Variants in EML4 observed in about 807,000 individuals in gnomAD.
The protein encoded by EML4 is EMAP like 4.
Under a neutral mutation model 129.0 loss-of-function variants are expected in EML4, and 72 were observed. The ratio of observed to expected loss-of-function variants is 0.56; its 90% CI spans 0.46 to 0.68. The LOEUF is 0.68. Ranked by LOEUF, EML4 falls within the 30% of genes least tolerant of loss-of-function variation. The pLI is 0.00. For missense variants in EML4, 1,363 were observed against 1,190.6 expected, an observed-to-expected ratio of 1.14 and a Z score of -2.13; for synonymous variants, 532 against 405.0, an observed-to-expected ratio of 1.31 and a Z score of -3.77.
intron 1 of EML4, among the ~76,000 whole-genome samples, chr2:42,209,203 A>G (rs1672737806): frequency 6.6e-6 from 1 of 152,260 alleles, no homozygotes; most frequent in South Asian, 2.1e-4. Flanking sequence ...ACATGGTTTC[A>G]AAACATGAAA....
At chr2:42,204,107 G>A (rs1672398898) in intron 1 of EML4, among the ~76,000 whole-genome samples, 1 of 151,976 alleles carries the variant, frequency 6.6e-6, no homozygotes, top group Non-Finnish European at 1.5e-5. Context: ...TTTTAATAGA[G>A]ATGGGTCTCA....
At position 42,316,070 on chromosome 2, in the gene EML4, C is replaced by T. The variant is rs756248046; in HGVS notation, c.2056+20C>T. 9 of 1,563,534 alleles carry T rather than the reference C, an allele frequency of 5.8e-6. No individual in the cohort carries two copies. In the South Asian group the frequency reaches 8.9e-5, roughly 16 times the overall value. On this transcript the variant is annotated intron_variant, in intron 18 of 22. Coordinates refer to ENST00000318522, the MANE Select transcript of EML4 (RefSeq NM_019063.5). ...CAATAGGTAGGCAAATTTACTCCCACCTCCCAAGCATGGCATTCACAGCAC... is the reference window on the plus strand; with the variant it reads ...CAATAGGTAGGCAAATTTACTCCCATCTCCCAAGCATGGCATTCACAGCAC...
intron 7 of EML4, among the ~76,000 whole-genome samples, chr2:42,281,219 C>G (rs112828938): frequency 0.33 from 50,623 of 151,738 alleles, 8,705 homozygotes; most frequent in East Asian, 0.56. Flanking sequence ...TTGTGAAACC[C>G]CATCTCTACT....
chr2:42,215,185 A>G (rs1208439037), intron 1 of EML4, among the ~76,000 whole-genome samples: 1 of 152,054 alleles, frequency 6.6e-6, no homozygotes, highest in Non-Finnish European at 1.5e-5. Flanking sequence ...GCAGCCCCCT[A>G]AGTAGCTGGG....
intron 3 of EML4, 74 bp downstream of exon 3, chr2:42,256,704 AGAATAT>A (rs1156896356): frequency 1.3e-6 from 2 of 1,553,158 alleles, no homozygotes; most frequent in Admixed American, 1.8e-5. Flanking sequence ...CCCTTTAGAA[AGAATAT>A]GAAATAGAGC....
intron 6 of EML4, among the ~76,000 whole-genome samples, chr2:42,278,573 CAAAAAAAAAAAAAAAAA>C (rs35916382): frequency 1.8e-5 from 1 of 54,264 alleles, no homozygotes; most frequent in Non-Finnish European, 3.2e-5. Context: ...GACTCCATCT[CAAAAAAAAAAAAAAAAA>C]AAAAAAAAAA....
rs1308195169 is a variant in EML4 at position 42,301,359 on chromosome 2, G to C, written c.1608G>C (p.Trp536Cys). 8.1e-6 allele frequency: 13 copies of C among 1,612,552 alleles called. No homozygotes were observed. The highest frequency in any genetic ancestry group is 9.3e-6 in the Non-Finnish European group (11 of 1,179,342). ...GGGKDRKIIL[W>C]DHDLNPEREI... ...GGAAAGACAGAAAAATAATTCTGTG[G>C]GATCATGATCTGAATCCTGAAAGAG... Residue 536 changes from tryptophan to cysteine, a missense_variant, in exon 14 of 23, where the codon TGG (tryptophan) becomes TGC (cysteine). By Grantham distance (215) the Trp-to-Cys change is radical. Coordinates refer to ENST00000318522, the MANE Select transcript of EML4 (RefSeq NM_019063.5).
chr2:42,180,280 A>G (rs1394917525), intron 1 of EML4, among the ~76,000 whole-genome samples: 2 of 152,204 alleles, frequency 1.3e-5, no homozygotes, highest in Admixed American at 6.5e-5. Flanking sequence ...CCTCAGTTTG[A>G]GAAACATGTC....
rs1055071611 is a variant in EML4 at position 42,330,991 on chromosome 2, C to A, written c.*784C>A. 9.5e-6 allele frequency: 2 copies of A among 210,620 alleles called. No homozygotes were observed. The highest frequency in any genetic ancestry group is 7.2e-5 in the East Asian group (1 of 13,902). The allele number at this position is 210,620 out of a possible 1,614,324, so 13.0% of individuals were successfully genotyped here. ...ATTCCTCCAAGGAGTCCTTTACTAGCCTAAACATTCTCAAATGTTTGAGAT... is the reference window on the plus strand; with the variant it reads ...ATTCCTCCAAGGAGTCCTTTACTAGACTAAACATTCTCAAATGTTTGAGAT... On this transcript the variant is annotated 3_prime_UTR_variant, in exon 23 of 23. Coordinates refer to ENST00000318522, the MANE Select transcript of EML4 (RefSeq NM_019063.5).
At chr2:42,236,681 TGCTGG>T (rs1674696077) in intron 1 of EML4, among the ~76,000 whole-genome samples, 1 of 151,390 alleles carries the variant, frequency 6.6e-6, no homozygotes, top group Non-Finnish European at 1.5e-5. Context: ...ACAGTGGAAT[TGCTGG>T]GTCATAGGAT....
At chr2:42,170,559 T>C (rs190822555) in intron 1 of EML4, among the ~76,000 whole-genome samples, 1 of 152,292 alleles carries the variant, frequency 6.6e-6, no homozygotes, top group Admixed American at 6.5e-5. Flanking sequence ...GCTAGGAAAA[T>C]CAAAACTCCA....
chr2:42,174,159 A>G (rs1670437339), intron 1 of EML4, among the ~76,000 whole-genome samples: 3 of 152,280 alleles, frequency 2.0e-5, no homozygotes, highest in South Asian at 4.2e-4. Flanking sequence ...TAAAACTTCA[A>G]TATTCATAAG....
chr2:42,313,771 T>C lies in EML4; in HGVS notation c.1968-2191T>C, dbSNP rs528276645. On this transcript the variant is annotated intron_variant, in intron 17 of 22. Coordinates refer to ENST00000318522, the MANE Select transcript of EML4 (RefSeq NM_019063.5). ...GGCGAAACCCTATCTCTACTAAAAA[T>C]ACAGAAAATTATCTGGGCGTGGTGG... Among the ~76,000 whole-genome samples the C allele has an allele frequency of 5.9e-5, 9 of 151,730 alleles. 1 individual carries two copies. The highest frequency in any genetic ancestry group is 1.7e-4 in the African/African-American group (7 of 41,342).
At chr2:42,252,914 G>A (rs929385886) in intron 2 of EML4, among the ~76,000 whole-genome samples, 2 of 151,962 alleles carry the variant, frequency 1.3e-5, no homozygotes, top group Non-Finnish European at 2.9e-5. Context: ...TACTTACCAC[G>A]TTTTCATTGC....
At chr2:42,192,864 C>G (rs1671682467) in intron 1 of EML4, among the ~76,000 whole-genome samples, 1 of 152,042 alleles carries the variant, frequency 6.6e-6, no homozygotes. Context: ...CCCTGAGATT[C>G]TTGGTGCATC....
chr2:42,260,470 CTG>C (rs1558550271), intron 3 of EML4, among the ~76,000 whole-genome samples: 2 of 152,188 alleles, frequency 1.3e-5, no homozygotes, highest in African/African-American at 2.4e-5. Flanking sequence ...CCAGCCGCCT[CTG>C]TGATTTTTTA....
At chr2:42,299,691 T>C (rs1668170870) in intron 13 of EML4, among the ~76,000 whole-genome samples, 2 of 152,170 alleles carry the variant, frequency 1.3e-5, no homozygotes, top group East Asian at 3.8e-4. Flanking sequence ...TGTTTTGTTT[T>C]GTTTGTTTGT....
intron 11 of EML4, chr2:42,289,514 A>C (rs1667502915): frequency 6.6e-6 from 1 of 152,094 alleles, no homozygotes; most frequent in Non-Finnish European, 1.5e-5. Context: ...TCTTTATTTG[A>C]ATGTCCTCTA....
chr2:42,240,160 A>G (rs1674930028), intron 1 of EML4, among the ~76,000 whole-genome samples: 2 of 152,306 alleles, frequency 1.3e-5, no homozygotes, highest in Non-Finnish European at 1.5e-5. Flanking sequence ...CTCCTTTGCT[A>G]TGTTCCTTAT....
Sources: allele counts gnomAD v4.1 joint callset (sites outside exome capture counted in the v4.1 genomes callset), GRCh38; gene constraint gnomAD v4.1.1; transcripts MANE v1.5; gene names NCBI Gene and HGNC (gene_info 2026-07-23, HGNC 2026-07-21).